The following TTC12 variants were observed in gnomAD, a reference collection of about 807,000 sequenced individuals.
The protein encoded by TTC12 is tetratricopeptide repeat domain 12, also known as tetratricopeptide repeat protein 12.
A neutral mutation model predicts 90.1 loss-of-function variants in TTC12; 70 were observed. That is an observed-to-expected ratio of 0.78 (90% CI 0.64 to 0.95). The LOEUF is 0.95. Among genes scored for constraint, TTC12 ranks in the 40% least tolerant of loss-of-function variants. TTC12 has a pLI of 0.00. For synonymous variants in TTC12, 296 were observed against 311.5 expected, an observed-to-expected ratio of 0.95 and a Z score of 0.53; for missense variants, 819 against 846.1, an observed-to-expected ratio of 0.97 and a Z score of 0.40.
chr11:113,364,394 G>A (rs1168834996), intron 20 of TTC12: 2 of 235,806 alleles, frequency 8.5e-6, no homozygotes, highest in East Asian at 1.9e-4. Context: ...CACAGAAGGT[G>A]AACTGAAGGA....
At chr11:113,367,283 C>T (rs979199155), downstream of TTC12, among the ~76,000 whole-genome samples, 6 of 152,196 alleles carry the variant, frequency 3.9e-5, no homozygotes, top group African/African-American at 1.4e-4. Context: ...TGCTACCTGC[C>T]CTGCCAGCCA....
At chr11:113,332,977 T>A (rs781819998) in intron 7 of TTC12, among the ~76,000 whole-genome samples, 6 of 152,144 alleles carry the variant, frequency 3.9e-5, no homozygotes, top group Non-Finnish European at 7.4e-5. Flanking sequence ...ATCCTTTCCC[T>A]CCCACTCTCA....
chr11:113,322,062 G>A (rs782200965), intron 2 of TTC12, among the ~76,000 whole-genome samples: 3 of 152,132 alleles, frequency 2.0e-5, no homozygotes, highest in Non-Finnish European at 4.4e-5. Flanking sequence ...AAAGCATGCT[G>A]GAGAAAAGAT....
chr11:113,352,008 G>A, intron 15 of TTC12, 62 bp from the exon 16 acceptor site: 1 of 1,579,172 alleles, frequency 6.3e-7, no homozygotes, highest in Non-Finnish European at 8.6e-7. Context: ...GATGCACCTA[G>A]AGATCATGCG....
chr11:113,368,768 C>CTTG (rs2138097964), downstream of TTC12: 1 of 499,260 alleles, frequency 2.0e-6, no homozygotes, highest in East Asian at 3.1e-5. Flanking sequence ...AGCTTCTTGG[C>CTTG]TTGGAGAACT....
intron 15 of TTC12, among the ~76,000 whole-genome samples, chr11:113,351,565 C>T (rs139985520): frequency 1.3e-4 from 20 of 152,300 alleles, no homozygotes; most frequent in African/African-American, 4.8e-4. Context: ...GTTCGTCAGT[C>T]TCCATCAGTC....
downstream of TTC12, among the ~76,000 whole-genome samples, chr11:113,369,520 G>T (rs1309576201): frequency 6.6e-6 from 1 of 151,428 alleles, no homozygotes; most frequent in African/African-American, 2.4e-5. Flanking sequence ...TGTGAGGTGG[G>T]TATTATCTCC....
In TTC12 at chr11:113,360,009, G is replaced by C. The variant is rs782360918; in HGVS notation, c.1614+1G>C. 6.3e-7 allele frequency: 1 copy of C among 1,589,202 alleles called. No individual in the cohort carries two copies. The highest frequency in any genetic ancestry group is 2.2e-5 in the East Asian group (1 of 44,474). ...CAGCCAGGATGGAGGAATCCTGACA[G>C]TAAGTTTCTCCCAGGGAAATCCAGA... On this transcript the variant is annotated splice_donor_variant, in intron 18 of 21. Coordinates refer to ENST00000529221, the MANE Select transcript of TTC12 (RefSeq NM_017868.4). LOFTEE classifies it high-confidence loss of function.
At chr11:113,370,822 A>G (rs1252178921), downstream of TTC12, among the ~76,000 whole-genome samples, 1 of 152,230 alleles carries the variant, frequency 6.6e-6, no homozygotes, top group Non-Finnish European at 1.5e-5. Context: ...GCTGCCTGCC[A>G]GATGTGCTGA....
chr11:113,335,631 C>T lies in TTC12; in HGVS notation c.576+594C>T, dbSNP rs199529705. 6.0e-4 allele frequency among the ~76,000 whole-genome samples: 91 copies of T among 152,264 alleles called. No homozygotes were observed. In the East Asian group the frequency reaches 0.017, roughly 28 times the overall value. On this transcript the variant is annotated intron_variant, in intron 8 of 21. Coordinates refer to ENST00000529221, the MANE Select transcript of TTC12 (RefSeq NM_017868.4). The stretch of plus-strand genomic sequence containing the variant: ...GTTAGGCAACCATCAGTCTTTCTGT[C>T]TCTATACATTTGCCCGTTCTGTAGA...
At chr11:113,316,593 C>A (rs1946953562) in intron 2 of TTC12, among the ~76,000 whole-genome samples, 1 of 152,198 alleles carries the variant, frequency 6.6e-6, no homozygotes, top group Non-Finnish European at 1.5e-5. Flanking sequence ...CCAGTCAAAA[C>A]CAGCTGCTGT....
rs368147211 is a variant in TTC12 at position 113,359,444 on chromosome 11, G to T, written c.1528G>T (p.Ala510Ser). 1.2e-6 allele frequency: 2 copies of T among 1,612,614 alleles called. No individual in the cohort carries two copies. The highest frequency in any genetic ancestry group is 2.7e-5 in the African/African-American group (2 of 74,874). ...LGLMMNLCLQ[A>S]PFVSEVWAVE... ...ACTCATGATGAACCTGTGTCTTCAG[G>T]CTCCCTTTGTCTCTGAGGTATGGCA... is the stretch of plus-strand genomic sequence containing the variant. Residue 510 changes from alanine (A) to serine (S), a missense_variant, in exon 17 of 22, where the codon GCT (alanine) becomes TCT (serine). Physicochemically the swap from Ala to Ser is moderately conservative, Grantham distance 99. Transcript: ENST00000529221.
intron 21 of TTC12, among the ~76,000 whole-genome samples, chr11:113,372,550 C>T (rs1950413328): frequency 6.6e-6 from 1 of 152,214 alleles, no homozygotes; most frequent in East Asian, 1.9e-4. Flanking sequence ...ATAAAGCACT[C>T]ACATTATTGT....
intron 1 of TTC12, among the ~76,000 whole-genome samples, chr11:113,315,669 T>C (rs1299951712): frequency 1.3e-5 from 2 of 152,198 alleles, no homozygotes; most frequent in Non-Finnish European, 2.9e-5. Context: ...TAAAATAATA[T>C]CTGAGGTACC....
chr11:113,370,934 A>G (rs888712090), downstream of TTC12, among the ~76,000 whole-genome samples: 2 of 151,684 alleles, frequency 1.3e-5, no homozygotes, highest in African/African-American at 4.9e-5. Context: ...AGATCCCTCA[A>G]CTCCCCTCGG....
In TTC12 at chr11:113,344,798, A is replaced by T. The variant is rs141708173; in HGVS notation, c.1154+358A>T. 3.6e-3 allele frequency among the ~76,000 whole-genome samples: 547 copies of T among 152,218 alleles called. 2 individuals carry two copies. The highest frequency in any genetic ancestry group is 0.013 in the African/African-American group (524 of 41,542). ...TTCCTGCCATTCGTTTTCTTCTTTC[A>T]TTCTTATTTGAGGTAATCCTGTCTT... On this transcript the variant is annotated intron_variant, in intron 13 of 21. Coordinates refer to ENST00000529221, the MANE Select transcript of TTC12 (RefSeq NM_017868.4).
At chr11:113,364,566 C>CT in intron 20 of TTC12, 1 of 469,920 alleles carries the variant, frequency 2.1e-6, no homozygotes, top group South Asian at 2.2e-5. Context: ...ACAGACCTGT[C>CT]TGACACACAG....
intron 18 of TTC12, among the ~76,000 whole-genome samples, chr11:113,361,680 T>C (rs544201464): frequency 6.6e-6 from 1 of 152,318 alleles, no homozygotes; most frequent in Non-Finnish European, 1.5e-5. Context: ...CCTCTATATC[T>C]TTCCATACTT....
At position 113,329,985 on chromosome 11, in the gene TTC12, AG is replaced by A. The variant is rs1565582824; in HGVS notation, c.504+9del. ...ATTGTGAGTGGGCTCTCAAGGTAAG[AG>A]GGTATTTCTTTTCCCACATGATAGT... On this transcript the variant is annotated splice_region_variant and intron_variant, in intron 7 of 21. Coordinates refer to ENST00000529221, the MANE Select transcript of TTC12 (RefSeq NM_017868.4). 4.3e-6 allele frequency: 7 copies of A among 1,611,234 alleles called. No homozygotes were observed. The highest frequency in any genetic ancestry group is 3.3e-5 in the Admixed American group (2 of 60,018).
Sources: gnomAD v4.1 joint callset for allele counts (sites outside exome capture counted in the v4.1 genomes callset) on GRCh38, gnomAD v4.1.1 for gene constraint, MANE v1.5 for transcripts, NCBI Gene and HGNC (gene_info 2026-07-23, HGNC 2026-07-21) for gene names.